The following UNC5C variants were observed in gnomAD, a reference collection of about 807,000 sequenced individuals.
UNC5C encodes netrin receptor UNC5C.
Under a neutral mutation model 99.8 loss-of-function variants are expected in UNC5C, and 47 were observed. The observed-to-expected ratio is 0.47, with a 90% confidence interval of 0.37 to 0.60. The LOEUF (loss-of-function observed/expected upper bound fraction) is 0.60. Ranked by LOEUF, UNC5C falls within the 20% of genes least tolerant of loss-of-function variation. The pLI is 0.00. For synonymous variants in UNC5C, 487 were observed against 452.2 expected (o/e 1.08, Z -0.98); for missense variants, 1,062 against 1,165.9 (o/e 0.91, Z 1.30).
chr4:95,296,608 A>G (rs1014172192), intron 3 of UNC5C, among the ~76,000 whole-genome samples: 1 of 152,162 alleles, frequency 6.6e-6, no homozygotes, highest in Non-Finnish European at 1.5e-5. Flanking sequence ...TCATTATTTG[A>G]AACTATGCAG....
chr4:95,169,108 C>G lies in UNC5C; in HGVS notation c.*126G>C. On this transcript the variant is annotated 3_prime_UTR_variant, in exon 16 of 16. Transcript: ENST00000453304. Reference sequence around the variant, plus strand: ...AGTTGTATCTGTTTTCCTTCTGGCTCCTGCTGCAGTCTTGCCTGTGAAGTG... The same window carrying G: ...AGTTGTATCTGTTTTCCTTCTGGCTGCTGCTGCAGTCTTGCCTGTGAAGTG... 1.7e-6 allele frequency: 2 copies of G among 1,206,780 alleles called. No individual in the cohort carries two copies. Among genetic ancestry groups the G allele is most frequent in the Non-Finnish European group, 1.2e-6 (1 of 855,626 alleles). The allele number at this position is 1,206,780 out of a possible 1,614,324, so 74.8% of individuals were successfully genotyped here.
chr4:95,533,179 C>G (rs943432534), intron 1 of UNC5C, among the ~76,000 whole-genome samples: 1 of 151,960 alleles, frequency 6.6e-6, no homozygotes, highest in Non-Finnish European at 1.5e-5. Context: ...GGGTGGATCA[C>G]GAGATCAGCA....
intron 2 of UNC5C, among the ~76,000 whole-genome samples, chr4:95,314,000 C>T (rs769889740): frequency 3.9e-5 from 6 of 152,122 alleles, no homozygotes; most frequent in South Asian, 2.1e-4. Flanking sequence ...AGAAAAGGAA[C>T]GAAATAACAG....
chr4:95,478,991 G>A (rs958015283), intron 1 of UNC5C, among the ~76,000 whole-genome samples: 11 of 151,846 alleles, frequency 7.2e-5, no homozygotes, highest in African/African-American at 1.5e-4. Flanking sequence ...GGCTCTCCTC[G>A]CCTTCCGCTA....
intron 4 of UNC5C, among the ~76,000 whole-genome samples, chr4:95,276,895 C>A (rs1740882638): frequency 6.6e-6 from 1 of 151,944 alleles, no homozygotes; most frequent in Admixed American, 6.6e-5. Context: ...CCTTTGAGTT[C>A]TTTGCATTGA....
intron 3 of UNC5C, 145 bp downstream of exon 3, chr4:95,301,461 C>T (rs770579243): frequency 4.6e-6 from 5 of 1,080,540 alleles, no homozygotes; most frequent in Middle Eastern, 2.8e-4. Flanking sequence ...TCCCAAAGTG[C>T]TGGGATTACA....
rs565477747 is a variant in UNC5C at position 95,369,732 on chromosome 4, C to T, written c.125-34101G>A. 3.3e-4 allele frequency among the ~76,000 whole-genome samples: 50 copies of T among 152,000 alleles called. No individual in the cohort carries two copies. The South Asian group carries it at 8.9e-3, about 27-fold the overall frequency. ...ATCAATGGTCCAATGTAACTGGGGC[C>T]GCTATATTGGATAGCACAGATAGAA... On this transcript the variant is annotated intron_variant, in intron 1 of 15. Transcript: ENST00000453304.
At chr4:95,174,535 C>G (rs1736256076) in intron 14 of UNC5C, among the ~76,000 whole-genome samples, 1 of 152,130 alleles carries the variant, frequency 6.6e-6, no homozygotes, top group Non-Finnish European at 1.5e-5. Context: ...TGTTCAGTTT[C>G]TATGTAGTTG....
At chr4:95,264,806 A>G (rs1393916597) in intron 4 of UNC5C, among the ~76,000 whole-genome samples, 1 of 152,096 alleles carries the variant, frequency 6.6e-6, no homozygotes, top group Non-Finnish European at 1.5e-5. Context: ...TCTCTTCTCT[A>G]TGGCAAACAG....
At chr4:95,316,392 A>C (rs2149410683) in intron 2 of UNC5C, among the ~76,000 whole-genome samples, 2 of 152,264 alleles carry the variant, frequency 1.3e-5, no homozygotes, top group South Asian at 4.1e-4. Flanking sequence ...CCAACCCCAC[A>C]GCATGCAAAA....
intron 3 of UNC5C, among the ~76,000 whole-genome samples, chr4:95,291,885 C>A (rs1034614091): frequency 6.6e-6 from 1 of 151,880 alleles, no homozygotes; most frequent in African/African-American, 2.4e-5. Flanking sequence ...GGTTGTTATA[C>A]AAGGTATCAT....
intron 3 of UNC5C, among the ~76,000 whole-genome samples, chr4:95,300,634 T>C (rs1741832265): frequency 6.6e-6 from 1 of 152,236 alleles, no homozygotes; most frequent in Non-Finnish European, 1.5e-5. Context: ...TCCTACAGTC[T>C]AATTCCTACT....
intron 7 of UNC5C, among the ~76,000 whole-genome samples, chr4:95,223,572 GAT>G (rs1269818666): frequency 1.3e-5 from 2 of 152,286 alleles, no homozygotes; most frequent in African/African-American, 4.8e-5. Context: ...CTGTAGCACA[GAT>G]AGGTTTGCTC....
chr4:95,390,443 A>G (rs1229545281), intron 1 of UNC5C, among the ~76,000 whole-genome samples: 2 of 151,742 alleles, frequency 1.3e-5, no homozygotes, highest in African/African-American at 4.8e-5. Context: ...ATGGTGTTCT[A>G]TTTTAGACTA....
intron 9 of UNC5C, among the ~76,000 whole-genome samples, chr4:95,217,692 T>C (rs1375286530): frequency 6.6e-6 from 1 of 152,046 alleles, no homozygotes; most frequent in African/African-American, 2.4e-5. Context: ...AAGTGGTAGG[T>C]AGAAATGGGA....
intron 1 of UNC5C, among the ~76,000 whole-genome samples, chr4:95,429,516 T>G (rs1168668904): frequency 6.6e-6 from 1 of 151,874 alleles, no homozygotes; most frequent in Non-Finnish European, 1.5e-5. Context: ...AATCAAAAAC[T>G]CAAATCCTCC....
At chr4:95,438,813 ATTGAT>A (rs1160460339) in intron 1 of UNC5C, among the ~76,000 whole-genome samples, 4 of 152,138 alleles carry the variant, frequency 2.6e-5, no homozygotes, top group Admixed American at 1.3e-4. Flanking sequence ...GATTTTATTG[ATTGAT>A]TTATTTGTAA....
intron 2 of UNC5C, among the ~76,000 whole-genome samples, chr4:95,324,704 T>A (rs529419084): frequency 6.6e-6 from 1 of 152,126 alleles, no homozygotes; most frequent in South Asian, 2.1e-4. Context: ...GCAATTGTCA[T>A]GAAGAATGAG....
rs146541164 is a variant in UNC5C at position 95,239,783 on chromosome 4, CT to C, written c.1108+2645del. On this transcript the variant is annotated intron_variant, in intron 7 of 15. Transcript: ENST00000453304. ...TTAAGCGCTTAACAAGGAAATATAT[CT>C]GAATTCGTTTTGAACAAATTAACAA... is the stretch of plus-strand genomic sequence containing the variant. 7.1e-3 allele frequency among the ~76,000 whole-genome samples: 1,077 copies of C among 152,268 alleles called. 12 individuals are homozygous for C. Among genetic ancestry groups the C allele is most frequent in the African/African-American group, 0.024 (1,015 of 41,544 alleles).
Sources: allele counts gnomAD v4.1 joint callset (sites outside exome capture counted in the v4.1 genomes callset), GRCh38; gene constraint gnomAD v4.1.1; transcripts MANE v1.5; gene names NCBI Gene and HGNC (gene_info 2026-07-23, HGNC 2026-07-21).